The following ADAMTS2 variants were observed in gnomAD, a reference collection of about 807,000 sequenced individuals.
The protein encoded by ADAMTS2 is A disintegrin and metalloproteinase with thrombospondin motifs 2.
A neutral mutation model predicts 123.0 loss-of-function variants in ADAMTS2; 50 were observed. That is an observed-to-expected ratio of 0.41 (90% CI 0.32 to 0.51). The LOEUF is 0.51. Ranked by LOEUF, ADAMTS2 falls within the 20% of genes least tolerant of loss-of-function variation. The probability of loss-of-function intolerance (pLI) is 0.35; values close to 1 mark genes in which losing one functional copy is unlikely to be tolerated. For missense variants in ADAMTS2, 1,494 were observed against 1,705.2 expected (o/e 0.88, Z 2.18); for synonymous variants, 678 against 695.4 (o/e 0.98, Z 0.39).
Position 179,272,897 on chromosome 5 carries a change from T to A in ADAMTS2, c.688+14A>T. 6.2e-7 allele frequency: 1 copy of A among 1,605,952 alleles called. No homozygotes were observed. Among genetic ancestry groups the A allele is most frequent in the Non-Finnish European group, 8.5e-7 (1 of 1,178,932 alleles). ...GGGCTCTCCACACAGCCTGCCCACC[T>A]GCAGTAGCCTCACCTGTGTCCAGGG... On this transcript the variant is annotated intron_variant, in intron 3 of 21. Transcript: ENST00000251582. This position sits in a 1 kb window ranked among gnomAD's most constrained non-coding sequence, Gnocchi z 5.8.
In ADAMTS2 at chr5:179,330,132, CAAAAAAAAAA is replaced by C. The variant is rs58696442; in HGVS notation, c.534+13625_534+13634del. 6.2e-5 allele frequency among the ~76,000 whole-genome samples: 6 copies of C among 96,882 alleles called. No homozygotes were observed. The East Asian group carries it at 1.7e-3, about 27-fold the overall frequency. The allele number at this position is 96,882 out of a possible 152,430, so 63.6% of individuals were successfully genotyped here. On this transcript the variant is annotated intron_variant, in intron 2 of 21. Transcript: ENST00000251582. ...TGGGCGACAGAGCGAGACTCCGTCT[CAAAAAAAAAA>C]AAAAAAAAAGGAAACAAGTTTCAAC...
In ADAMTS2 at chr5:179,225,232, G is replaced by A. The variant is rs1025055860; in HGVS notation, c.689-17517C>T. Among the ~76,000 whole-genome samples the A allele has an allele frequency of 6.6e-6, 1 of 152,210 alleles. No individual in the cohort carries two copies. The highest frequency in any genetic ancestry group is 1.5e-5 in the Non-Finnish European group (1 of 68,048). ...GCTCACCCACATCATGTGCGCTTCA[G>A]ACAAAGGACTAATTTCCTTAATACA... On this transcript the variant is annotated intron_variant, in intron 3 of 21. Coordinates refer to ENST00000251582, the MANE Select transcript of ADAMTS2 (RefSeq NM_014244.5). The surrounding 1 kb of genome is among the most constrained non-coding windows in gnomAD (Gnocchi z 4.5).
In ADAMTS2 at chr5:179,115,510, T is replaced by G. The variant is rs1463153203; in HGVS notation, c.3179-1186A>C. Among the ~76,000 whole-genome samples, 1 of 152,176 alleles carries G rather than the reference T, an allele frequency of 6.6e-6. No homozygotes were observed. Among genetic ancestry groups the G allele is most frequent in the Non-Finnish European group, 1.5e-5 (1 of 68,038 alleles). ...AGCTGCTCTCTACTCTCCACAGTGA[T>G]GACTTCAGACCTTTCCCACACAAAC... On this transcript the variant is annotated intron_variant, in intron 21 of 21. Transcript: ENST00000251582. This position sits in a 1 kb window ranked among gnomAD's most constrained non-coding sequence, Gnocchi z 4.4.
intron 3 of ADAMTS2, among the ~76,000 whole-genome samples, chr5:179,210,018 T>C (rs544400426): frequency 6.6e-6 from 1 of 152,200 alleles, no homozygotes; most frequent in African/African-American, 2.4e-5. Flanking sequence ...CGTGGTGCCA[T>C]CTGGTTGATA....
rs1428710415 is a variant in ADAMTS2, at chr5:179,273,191, C to T, written c.535-127G>A. The T allele has an allele frequency of 2.1e-6, 3 of 1,416,900 alleles. No individual in the cohort carries two copies. The African/African-American group carries it at 4.2e-5, about 20-fold the overall frequency. 87.8% of individuals were successfully genotyped at this position (1,416,900 alleles called of 1,614,324 possible). A position where few individuals can be genotyped will look rare whatever the true frequency, so the allele number is the denominator to read the frequency against. Reference sequence around the variant, plus strand: ...CCTGCCCAGCACCCCAGCTGGTGCTCAGCTTGAACCCTGGGCTGGCCGGAG... The same window carrying T: ...CCTGCCCAGCACCCCAGCTGGTGCTTAGCTTGAACCCTGGGCTGGCCGGAG... On this transcript the variant is annotated intron_variant, in intron 2 of 21. Transcript: ENST00000251582.
intron 1 of ADAMTS2, among the ~76,000 whole-genome samples, chr5:179,344,606 G>A (rs1176087456): frequency 1.3e-5 from 2 of 152,226 alleles, no homozygotes; most frequent in Non-Finnish European, 2.9e-5. Context: ...TGCCGCCCGA[G>A]TGCCCTCACC....
At chr5:179,223,507 C>T (rs911666613) in intron 3 of ADAMTS2, among the ~76,000 whole-genome samples, 1 of 150,638 alleles carries the variant, frequency 6.6e-6, no homozygotes, top group African/African-American at 2.5e-5. Context: ...CATGCACACT[C>T]ATACGAATGC....
rs962265055 is a variant in ADAMTS2 at position 179,324,691 on chromosome 5, G to A, written c.534+19076C>T. On this transcript the variant is annotated intron_variant, in intron 2 of 21. Coordinates refer to ENST00000251582, the MANE Select transcript of ADAMTS2 (RefSeq NM_014244.5). ...TAGGCGTGAGGCACCATGCCTGGCC[G>A]ATAGCTTTATTTCAATCAGATTTAT... 5.9e-5 allele frequency among the ~76,000 whole-genome samples: 9 copies of A among 152,274 alleles called. No homozygotes were observed. In the East Asian group the frequency reaches 9.7e-4, roughly 16 times the overall value.
At chr5:179,168,917 A>G (rs7718264) in intron 5 of ADAMTS2, among the ~76,000 whole-genome samples, 36,451 of 152,052 alleles carry the variant, frequency 0.24, 4,979 homozygotes, top group East Asian at 0.65. Context: ...CAGAACTCCC[A>G]TATCGTTCCA....
At chr5:179,146,958 T>A (rs892296205) in intron 10 of ADAMTS2, among the ~76,000 whole-genome samples, 5 of 152,362 alleles carry the variant, frequency 3.3e-5, no homozygotes, top group African/African-American at 1.2e-4. Flanking sequence ...AACAGTGCCT[T>A]CAGACGTAAC....
At chr5:179,245,796 C>CAAAAAAAAAAAAAAAAAA (rs796076369) in intron 3 of ADAMTS2, among the ~76,000 whole-genome samples, 1 of 73,784 alleles carries the variant, frequency 1.4e-5, no homozygotes, top group African/African-American at 5.0e-5. Context: ...AAAAAAAAAA[C>CAAAAAAAAAAAAAAAAAA]AAAAAAAACA....
At chr5:179,194,814 G>GT in intron 4 of ADAMTS2, among the ~76,000 whole-genome samples, 1 of 152,214 alleles carries the variant, frequency 6.6e-6, no homozygotes, top group Middle Eastern at 3.4e-3. Context: ...ACCAGCAAAT[G>GT]TGAGTTCCCC....
At position 179,130,462 on chromosome 5, in the gene ADAMTS2, C is replaced by T. The variant is rs1337307967; in HGVS notation, c.2291-364G>A. Among the ~76,000 whole-genome samples the T allele has an allele frequency of 1.3e-5, 2 of 152,224 alleles. No individual in the cohort carries two copies. The highest frequency in any genetic ancestry group is 1.9e-4 in the East Asian group (1 of 5,198). ...GCAGGATGGCTGGGAGGGGTCTGTACGCGGTGCAGGGCATCTGCTGGACAG... is the reference window on the plus strand; with the variant it reads ...GCAGGATGGCTGGGAGGGGTCTGTATGCGGTGCAGGGCATCTGCTGGACAG... On this transcript the variant is annotated intron_variant, in intron 15 of 21. Transcript: ENST00000251582. The surrounding 1 kb of genome is among the most constrained non-coding windows in gnomAD (Gnocchi z 4.3).
intron 4 of ADAMTS2, among the ~76,000 whole-genome samples, chr5:179,196,107 G>A (rs977145994): frequency 6.6e-6 from 1 of 152,222 alleles, no homozygotes; most frequent in Admixed American, 6.5e-5. Context: ...ACTCGTGAAA[G>A]TTGGTGAGAA....
Position 179,234,517 on chromosome 5 carries a change from CG to C in ADAMTS2, c.689-26803del, listed in dbSNP as rs112270615. Among the ~76,000 whole-genome samples, 13,764 of 150,944 alleles carry C rather than the reference CG, an allele frequency of 0.091. 861 individuals are homozygous for C. The highest frequency in any genetic ancestry group is 0.17 in the African/African-American group (6,910 of 40,888). Reference sequence around the variant, plus strand: ...CATGGACCTGCTGACAGGTGCCCCCCGACCCACCTCCAGCCTGCACCTCCCC... The same window carrying C: ...CATGGACCTGCTGACAGGTGCCCCCCACCCACCTCCAGCCTGCACCTCCCC... On this transcript the variant is annotated intron_variant, in intron 3 of 21. Coordinates refer to ENST00000251582, the MANE Select transcript of ADAMTS2 (RefSeq NM_014244.5). This position sits in a 1 kb window ranked among gnomAD's most constrained non-coding sequence, Gnocchi z 4.7.
intron 17 of ADAMTS2, among the ~76,000 whole-genome samples, chr5:179,127,413 A>G (rs1466867240): frequency 2.6e-5 from 4 of 152,056 alleles, no homozygotes; most frequent in African/African-American, 9.7e-5. Context: ...CTTGCCTGGT[A>G]TCGCCCAGCC....
intron 2 of ADAMTS2, among the ~76,000 whole-genome samples, chr5:179,300,949 G>A (rs924506269): frequency 2.0e-5 from 3 of 152,142 alleles, no homozygotes; most frequent in Non-Finnish European, 4.4e-5. Context: ...GCAGGACAGA[G>A]GCCGGAGGAT....
At chr5:179,237,025 C>T (rs149981405) in intron 3 of ADAMTS2, among the ~76,000 whole-genome samples, 11 of 152,096 alleles carry the variant, frequency 7.2e-5, no homozygotes, top group Admixed American at 3.9e-4. Flanking sequence ...GGGGTTGAGA[C>T]GGGAGGATAG....
chr5:179,176,446 A>G (rs1763932583), intron 5 of ADAMTS2, among the ~76,000 whole-genome samples: 1 of 152,116 alleles, frequency 6.6e-6, no homozygotes, highest in Admixed American at 6.5e-5. Flanking sequence ...CTCTAACTGC[A>G]CATCTCAGCT....
Sources: allele counts gnomAD v4.1 joint callset (sites outside exome capture counted in the v4.1 genomes callset), GRCh38; gene constraint gnomAD v4.1.1; non-coding constraint Gnocchi (gnomAD v3.1); transcripts MANE v1.5; gene names NCBI Gene and HGNC (gene_info 2026-07-23, HGNC 2026-07-21).